KAZN: variants seen among roughly 807,000 people sequenced by gnomAD.
The protein encoded by KAZN is kazrin, periplakin interacting protein, also known as kazrin.
A neutral mutation model predicts 87.4 loss-of-function variants in KAZN; 40 were observed. That is an observed-to-expected ratio of 0.46 (90% CI 0.36 to 0.60). The LOEUF (loss-of-function observed/expected upper bound fraction) is 0.60, where lower values mean the gene tolerates loss of function less well. Among genes scored for constraint, KAZN ranks in the 20% least tolerant of loss-of-function variants. The probability of loss-of-function intolerance (pLI) is 0.00; values close to 1 mark genes in which losing one functional copy is unlikely to be tolerated. For synonymous variants in KAZN, 466 were observed against 458.3 expected (o/e 1.02, Z -0.22); for missense variants, 898 against 1,073.9 (o/e 0.84, Z 2.29).
At chr1:14,570,248 C>T (rs917563509) in intron 2 of KAZN, among the ~76,000 whole-genome samples, 1 of 152,164 alleles carries the variant, frequency 6.6e-6, no homozygotes. Flanking sequence ...TTTTTAACAG[C>T]TTTATTAGGG....
intron 1 of KAZN, among the ~76,000 whole-genome samples, chr1:14,886,425 TACACACACACATAC>T (rs1456871289): frequency 7.2e-6 from 1 of 139,822 alleles, no homozygotes; most frequent in Non-Finnish European, 1.6e-5. Flanking sequence ...CTTGTCTCTA[TACACACACACATAC>T]ACACACACAC....
chr1:14,460,830 A>C (rs1245715538), intron 2 of KAZN, among the ~76,000 whole-genome samples: 1 of 152,232 alleles, frequency 6.6e-6, no homozygotes, highest in East Asian at 1.9e-4. Flanking sequence ...AGTGTGATCT[A>C]ATCACAAATT....
At chr1:14,100,973 A>G (rs1644237234) in intron 1 of KAZN, among the ~76,000 whole-genome samples, 1 of 152,220 alleles carries the variant, frequency 6.6e-6, no homozygotes, top group Admixed American at 6.5e-5. Context: ...GCTGTCATCC[A>G]TATAAGATAT....
intron 2 of KAZN, among the ~76,000 whole-genome samples, chr1:14,970,546 C>G (rs2101833083): frequency 6.6e-6 from 1 of 152,300 alleles, no homozygotes; most frequent in East Asian, 1.9e-4. Flanking sequence ...ATGTTCTCGT[C>G]CTCATCTGGG....
At chr1:14,578,482 CAG>C (rs1214515213) in intron 2 of KAZN, among the ~76,000 whole-genome samples, 1 of 151,902 alleles carries the variant, frequency 6.6e-6, no homozygotes, top group African/African-American at 2.4e-5. Context: ...AAAAAGCAAT[CAG>C]AAAAATTTAC....
At chr1:14,808,290 C>CTTTTTTTTTTT (rs57548450) in intron 1 of KAZN, among the ~76,000 whole-genome samples, 1 of 88,096 alleles carries the variant, frequency 1.1e-5, no homozygotes, top group African/African-American at 4.3e-5. Flanking sequence ...AAAGAGGTTT[C>CTTTTTTTTTTT]TTTTTTTTTT....
At chr1:15,092,435 G>A (rs1171085769) in intron 8 of KAZN, among the ~76,000 whole-genome samples, 1 of 151,730 alleles carries the variant, frequency 6.6e-6, no homozygotes, top group Non-Finnish European at 1.5e-5. Context: ...CTGTTTGGGT[G>A]TGTGTGTGTG....
At chr1:14,016,100 C>A (rs1242080641) in intron 1 of KAZN, among the ~76,000 whole-genome samples, 1 of 152,134 alleles carries the variant, frequency 6.6e-6, no homozygotes, top group African/African-American at 2.4e-5. Flanking sequence ...TGTTTCCAGG[C>A]AAGCTCATTA....
At chr1:14,358,529 T>C (rs1359881944) in intron 2 of KAZN, among the ~76,000 whole-genome samples, 2 of 152,204 alleles carry the variant, frequency 1.3e-5, no homozygotes, top group Non-Finnish European at 2.9e-5. Flanking sequence ...GTGTCGATTT[T>C]AGATCTTTCC....
At chr1:14,146,243 A>G (rs1327784789) in intron 1 of KAZN, among the ~76,000 whole-genome samples, 1 of 151,808 alleles carries the variant, frequency 6.6e-6, no homozygotes, top group Non-Finnish European at 1.5e-5. Flanking sequence ...ACTTTTAATG[A>G]AAGATGTGGG....
intron 1 of KAZN, among the ~76,000 whole-genome samples, chr1:14,781,028 A>G (rs1046881282): frequency 2.6e-5 from 4 of 152,184 alleles, no homozygotes; most frequent in African/African-American, 4.8e-5. Context: ...TAACATTAAA[A>G]GGCAAGAAAC....
intron 2 of KAZN, among the ~76,000 whole-genome samples, chr1:14,330,056 G>A (rs980965936): frequency 6.6e-6 from 1 of 152,162 alleles, no homozygotes; most frequent in African/African-American, 2.4e-5. Context: ...TCAAGCTCCT[G>A]ACAGCTGTGT....
rs369019241 is a variant in KAZN, at chr1:15,038,944, C to T, written c.555+4059C>T. Among the ~76,000 whole-genome samples the T allele has an allele frequency of 1.3e-3, 176 of 138,540 alleles. 1 individual carries two copies. Among genetic ancestry groups the T allele is most frequent in the African/African-American group, 4.5e-3 (164 of 36,656 alleles). 90.9% of individuals were successfully genotyped at this position (138,540 alleles called of 152,430 possible). A position where few individuals can be genotyped will look rare whatever the true frequency, so the allele number is the denominator to read the frequency against. ...ATTGTGCACCTACTGTATACAGACA[C>T]GAATGTGCTATTACCAACAGCAGAC... is the stretch of plus-strand genomic sequence containing the variant. On this transcript the variant is annotated intron_variant, in intron 3 of 14. Transcript: ENST00000376030.
At chr1:14,418,534 T>C (rs897531818) in intron 2 of KAZN, among the ~76,000 whole-genome samples, 1 of 152,154 alleles carries the variant, frequency 6.6e-6, no homozygotes, top group African/African-American at 2.4e-5. Flanking sequence ...AGGAAAAGAA[T>C]ATTGAAAATT....
chr1:14,115,844 C>T (rs1351580892), intron 1 of KAZN, among the ~76,000 whole-genome samples: 2 of 152,114 alleles, frequency 1.3e-5, no homozygotes, highest in East Asian at 3.9e-4. Context: ...AAAGTCCAGG[C>T]TGAGGTGGTC....
At chr1:14,586,831 G>T (rs1208134687) in intron 2 of KAZN, among the ~76,000 whole-genome samples, 1 of 152,102 alleles carries the variant, frequency 6.6e-6, no homozygotes, top group Non-Finnish European at 1.5e-5. Context: ...TCAATCAAAT[G>T]CCAGTTTAAT....
At chr1:14,089,613 A>C (rs1643928916) in intron 1 of KAZN, among the ~76,000 whole-genome samples, 1 of 152,134 alleles carries the variant, frequency 6.6e-6, no homozygotes, top group Non-Finnish European at 1.5e-5. Context: ...TTTACACTGC[A>C]TGTGGTCTAA....
At chr1:15,060,099 G>A (rs760967453) in intron 5 of KAZN, 73 bp from the exon 6 acceptor site, 41 of 1,582,870 alleles carry the variant, frequency 2.6e-5, no homozygotes, top group Middle Eastern at 1.7e-4. Flanking sequence ...GTGTTGGGTG[G>A]AATAACCGCC....
chr1:14,780,146 C>T (rs143430993), intron 1 of KAZN, among the ~76,000 whole-genome samples: 66 of 152,308 alleles, frequency 4.3e-4, no homozygotes, highest in African/African-American at 8.2e-4. Context: ...TTGAGCTAAA[C>T]GTGTTTCTTC....
Sources: allele counts gnomAD v4.1 joint callset (sites outside exome capture counted in the v4.1 genomes callset), GRCh38; gene constraint gnomAD v4.1.1; transcripts MANE v1.5; gene names NCBI Gene and HGNC (gene_info 2026-07-23, HGNC 2026-07-21).